DAPK3: variants seen among roughly 807,000 people sequenced by gnomAD.
DAPK3 encodes death associated protein kinase 3.
DAPK3 carries 24 observed loss-of-function variants against 30.6 expected under a neutral mutation model. That is an observed-to-expected ratio of 0.78 (90% CI 0.57 to 1.10). DAPK3 has a LOEUF of 1.10. DAPK3 is among the 50% of genes least tolerant of loss of function. DAPK3 has a pLI of 0.00. For missense variants in DAPK3, 629 were observed against 657.3 expected (o/e 0.96, Z 0.47); for synonymous variants, 341 against 284.0 (o/e 1.20, Z -2.02).
Position 3,958,849 on chromosome 19 carries a change from C to T in DAPK3, c.*252G>A, listed in dbSNP as rs1043808477. ...CACAGGCCACGCTGCCTGGAGGGTCCCAGGGTCACCGACGATGCAGGGGTG... is the reference window on the plus strand; with the variant it reads ...CACAGGCCACGCTGCCTGGAGGGTCTCAGGGTCACCGACGATGCAGGGGTG... On this transcript the variant is annotated 3_prime_UTR_variant, in exon 9 of 9. Transcript: ENST00000545797. 1.5e-5 allele frequency: 9 copies of T among 581,802 alleles called. No homozygotes were observed. In the South Asian group the frequency reaches 1.8e-4, roughly 12 times the overall value. The allele number at this position is 581,802 out of a possible 1,614,324, so 36.0% of individuals were successfully genotyped here. A position where few individuals can be genotyped will look rare whatever the true frequency, so the allele number is the denominator to read the frequency against.
chr19:3,960,943 G>A, intron 7 of DAPK3, 66 bp downstream of exon 7: 1 of 1,552,666 alleles, frequency 6.4e-7, no homozygotes. Context: ...GTCCTCTGGA[G>A]CCTCCGTGGG....
At chr19:3,969,866 A>C (rs751417651) in intron 1 of DAPK3, 37 bp from the exon 2 acceptor site, 2 of 658,484 alleles carry the variant, frequency 3.0e-6, no homozygotes, top group Non-Finnish European at 5.5e-6. Flanking sequence ...TGAGGAACTG[A>C]GACACCACCC....
In DAPK3 at chr19:3,964,711, C is replaced by G. The variant is rs1181116211; in HGVS notation, c.343G>C (p.Glu115Gln). 1.2e-6 allele frequency: 2 copies of G among 1,612,544 alleles called. No individual in the cohort carries two copies. The highest frequency in any genetic ancestry group is 2.2e-5 in the South Asian group (2 of 91,026). The change falls in exon 3 of 9, where the codon GAG becomes CAG. Residue 115 changes from glutamate to glutamine, a missense_variant. Coordinates refer to ENST00000545797, the MANE Select transcript of DAPK3 (RefSeq NM_001348.3). The stretch of plus-strand genomic sequence containing the variant: ...ATCTGCTTGAGGAACTGGGTGGCCT[C>G]GTCCTCCGTCAGCGACTCCTTCTCC... ...LAEKESLTED[E>Q]ATQFLKQILD...
chr19:3,965,256 C>T (rs934927215), intron 2 of DAPK3, among the ~76,000 whole-genome samples: 9 of 152,228 alleles, frequency 5.9e-5, no homozygotes, highest in South Asian at 2.1e-4. Context: ...CAGAGCCACA[C>T]GTTAACACCA....
chr19:3,960,027 A>G (rs778686333), intron 8 of DAPK3, 32 bp downstream of exon 8: 78 of 1,262,688 alleles, frequency 6.2e-5, no homozygotes, highest in Non-Finnish European at 8.6e-5. Context: ...CAAGGCGGGA[A>G]GCCCAGGGAG....
chr19:3,966,836 A>G (rs2145340408), intron 2 of DAPK3, among the ~76,000 whole-genome samples: 1 of 151,908 alleles, frequency 6.6e-6, no homozygotes, highest in African/African-American at 2.4e-5. Context: ...CCACCTCCAG[A>G]CAGCCCCCGG....
At chr19:3,964,566 C>T in intron 3 of DAPK3, 65 bp downstream of exon 3, 1 of 1,472,322 alleles carries the variant, frequency 6.8e-7, no homozygotes, top group Non-Finnish European at 9.1e-7. Context: ...CTTCCAGGCT[C>T]TTCCCCGCCC....
intron 7 of DAPK3, among the ~76,000 whole-genome samples, chr19:3,960,558 C>A (rs991639018): frequency 1.1e-4 from 16 of 152,162 alleles, no homozygotes; most frequent in Admixed American, 2.0e-4. Context: ...AAATCACAAA[C>A]CAAGGAGGTC....
intron 6 of DAPK3, among the ~76,000 whole-genome samples, chr19:3,963,432 C>T (rs1298878243): frequency 1.6e-5 from 2 of 127,284 alleles, no homozygotes; most frequent in Non-Finnish European, 3.6e-5. Flanking sequence ...CCTGCTCAGC[C>T]GCTCTGTGAG....
At chr19:3,960,332 G>C (rs2039495790) in intron 7 of DAPK3, among the ~76,000 whole-genome samples, 1 of 152,170 alleles carries the variant, frequency 6.6e-6, no homozygotes, top group South Asian at 2.1e-4. Context: ...CCGAGAGAGG[G>C]ACTGGGCGGC....
intron 6 of DAPK3, among the ~76,000 whole-genome samples, chr19:3,962,855 C>G (rs868385828): frequency 4.6e-5 from 7 of 150,792 alleles, no homozygotes; most frequent in Non-Finnish European, 2.9e-5. Context: ...AATCCCAGCA[C>G]TTTGGGAAGC....
chr19:3,964,657 T>C lies in DAPK3; in HGVS notation c.397A>G (p.Lys133Glu). ...ILDGVHYLHS[K>E]RIAHFDLKPE... Reference sequence around the variant, plus strand: ...TTCAGGTCAAAGTGTGCGATGCGCTTAGAGTGCAGGTAGTGAACGCCGTCC... The same window carrying C: ...TTCAGGTCAAAGTGTGCGATGCGCTCAGAGTGCAGGTAGTGAACGCCGTCC... The change falls in exon 3 of 9, where the codon AAG becomes GAG. Residue 133 changes from lysine to glutamate, a missense_variant. By Grantham distance (56) the Lys-to-Glu change is moderately conservative. Transcript: ENST00000545797. 1.3e-6 allele frequency: 2 copies of C among 1,576,672 alleles called. No individual in the cohort carries two copies. The highest frequency in any genetic ancestry group is 1.4e-5 in the African/African-American group (1 of 73,112).
rs751534327 is a variant in DAPK3, at chr19:3,961,436, G to T, written c.630-275C>A. ...CTCGAAGTATCTGTGCAGACGCAGA[G>T]CCCGAAAGCCCCCAGTGCTCAGTAA... On this transcript the variant is annotated intron_variant, in intron 6 of 8. Transcript: ENST00000545797. 3 of 591,568 alleles carry T rather than the reference G, an allele frequency of 5.1e-6. No homozygotes were observed. The African/African-American group carries it at 5.6e-5, about 11-fold the overall frequency. 36.6% of individuals were successfully genotyped at this position (591,568 alleles called of 1,614,324 possible). A position where few individuals can be genotyped will look rare whatever the true frequency, so the allele number is the denominator to read the frequency against.
rs566296708 is a variant in DAPK3 at position 3,963,629 on chromosome 19, C to T, written c.629+14G>A. ...TGTGTTGCACAGCCGAGGGGGCCCCCGCCAGGTACTCACAGGATATAGGTG... is the reference window on the plus strand; with the variant it reads ...TGTGTTGCACAGCCGAGGGGGCCCCTGCCAGGTACTCACAGGATATAGGTG... On this transcript the variant is annotated intron_variant, in intron 6 of 8. Transcript: ENST00000545797. 1.7e-4 allele frequency: 263 copies of T among 1,511,252 alleles called. 2 individuals are homozygous for T. The East Asian group carries it at 4.4e-3, about 25-fold the overall frequency. The allele number at this position is 1,511,252 out of a possible 1,614,324, so 93.6% of individuals were successfully genotyped here. A position where few individuals can be genotyped will look rare whatever the true frequency, so the allele number is the denominator to read the frequency against.
intron 7 of DAPK3, among the ~76,000 whole-genome samples, chr19:3,960,500 C>A (rs1008926265): frequency 6.6e-6 from 1 of 152,144 alleles, no homozygotes; most frequent in Non-Finnish European, 1.5e-5. Flanking sequence ...CAGCCAGACA[C>A]GGTGTCTCAC....
At chr19:3,968,508 G>A (rs1299007715) in intron 2 of DAPK3, among the ~76,000 whole-genome samples, 1 of 151,940 alleles carries the variant, frequency 6.6e-6, no homozygotes, top group Non-Finnish European at 1.5e-5. Context: ...TCTGGTAAAC[G>A]TTCTAGCAAC....
At chr19:3,969,983 G>A (rs1013811681) in intron 1 of DAPK3, 154 bp from the exon 2 acceptor site, 2 of 541,952 alleles carry the variant, frequency 3.7e-6, no homozygotes, top group South Asian at 5.1e-5. Flanking sequence ...TTACTGGGCT[G>A]GGTCCTGTCA....
chr19:3,968,857 A>G (rs2039606156), intron 2 of DAPK3, among the ~76,000 whole-genome samples: 1 of 152,144 alleles, frequency 6.6e-6, no homozygotes, highest in Non-Finnish European at 1.5e-5. Context: ...AACTCACCAA[A>G]TAAGGCTGGA....
chr19:3,967,137 G>C (rs1282585943), intron 2 of DAPK3, among the ~76,000 whole-genome samples: 2 of 152,202 alleles, frequency 1.3e-5, no homozygotes, highest in Admixed American at 6.5e-5. Context: ...TCTACTGATA[G>C]AGTTCATGAT....
Sources: gnomAD v4.1 joint callset for allele counts (sites outside exome capture counted in the v4.1 genomes callset) on GRCh38, gnomAD v4.1.1 for gene constraint, MANE v1.5 for transcripts, NCBI Gene and HGNC (gene_info 2026-07-23, HGNC 2026-07-21) for gene names.